The following RNF121 variants were observed in gnomAD, a reference collection of about 807,000 sequenced individuals.
RNF121 encodes the protein E3 ubiquitin ligase RNF121.
RNF121 carries 21 observed loss-of-function variants against 46.5 expected under a neutral mutation model. The observed-to-expected ratio is 0.45, with a 90% CI of 0.32 to 0.65. The LOEUF (loss-of-function observed/expected upper bound fraction) is 0.65. Among genes scored for constraint, RNF121 ranks in the 30% least tolerant of loss-of-function variants. RNF121 has a pLI of 0.04. For synonymous variants in RNF121, 139 were observed against 144.7 expected, an observed-to-expected ratio of 0.96 and a Z score of 0.28; for missense variants, 346 against 416.0, an observed-to-expected ratio of 0.83 and a Z score of 1.46.
At chr11:71,990,915 C>T (rs766309796) in intron 6 of RNF121, 198 bp downstream of exon 6, 13 of 643,308 alleles carry the variant, frequency 2.0e-5, no homozygotes, top group African/African-American at 9.1e-5. Context: ...AAACCATGTG[C>T]GTTGCAGCAA....
chr11:71,992,420 A>C (rs1433104104), intron 6 of RNF121, among the ~76,000 whole-genome samples: 1 of 152,122 alleles, frequency 6.6e-6, no homozygotes, highest in Non-Finnish European at 1.5e-5. Context: ...TTGAGTCTTT[A>C]CTTAAGAGAC....
At chr11:71,948,533 AAAAAAAGCTTATC>A (rs1953781582) in intron 1 of RNF121, among the ~76,000 whole-genome samples, 2 of 151,314 alleles carry the variant, frequency 1.3e-5, no homozygotes, top group Non-Finnish European at 2.9e-5. Flanking sequence ...AAAAAAAAAA[AAAAAAAGCTTATC>A]AACTCAGCTG....
Position 71,989,746 on chromosome 11 carries a change from G to A in RNF121, c.507-851G>A, listed in dbSNP as rs375474913. Among the ~76,000 whole-genome samples the A allele has an allele frequency of 1.9e-4, 29 of 152,162 alleles. No individual in the cohort carries two copies. In the East Asian group the frequency reaches 4.8e-3, roughly 25 times the overall value. ...AGATCTTTATCCTTCTTGTTAAATA[G>A]ACTTGGACCAAAATTTAACTTTGAT... On this transcript the variant is annotated intron_variant, in intron 5 of 8. Coordinates refer to ENST00000361756, the MANE Select transcript of RNF121 (RefSeq NM_018320.5).
intron 3 of RNF121, among the ~76,000 whole-genome samples, chr11:71,971,912 G>A (rs1293955557): frequency 6.6e-6 from 1 of 152,122 alleles, no homozygotes; most frequent in African/African-American, 2.4e-5. Flanking sequence ...CATCCTAAGG[G>A]GATATGTAAG....
At position 71,996,350 on chromosome 11, in the gene RNF121, C is replaced by T. The variant is rs188341542; in HGVS notation, c.*35C>T. ...GCATCAGTGGAAAACCCACCCCACA[C>T]GCCATGGACCTCAGGGCACTCTCCT... On this transcript the variant is annotated 3_prime_UTR_variant, in exon 9 of 9. Coordinates refer to ENST00000361756, the MANE Select transcript of RNF121 (RefSeq NM_018320.5). The T allele has an allele frequency of 1.2e-4, 193 of 1,609,864 alleles. No homozygotes were observed. The African/African-American group carries it at 1.9e-3, about 16-fold the overall frequency.
chr11:71,987,126 T>A lies in RNF121; in HGVS notation c.506+15T>A. The A allele has an allele frequency of 6.5e-7, 1 of 1,537,044 alleles. No individual in the cohort carries two copies. Among genetic ancestry groups the A allele is most frequent in the Non-Finnish European group, 9.0e-7 (1 of 1,110,412 alleles). ...TTATTATTCAAGTGAGTACCCTTTG[T>A]TTTTGTTTTTGCTGGAGTTTGGGGA... On this transcript the variant is annotated intron_variant, in intron 5 of 8. Transcript: ENST00000361756.
chr11:71,949,500 A>C (rs563913885), intron 1 of RNF121, among the ~76,000 whole-genome samples: 1 of 152,066 alleles, frequency 6.6e-6, no homozygotes, highest in Non-Finnish European at 1.5e-5. Flanking sequence ...AGATCACTTG[A>C]GGTCAGGAGT....
intron 7 of RNF121, 55 bp downstream of exon 7, chr11:71,994,907 TGAGAGA>T (rs979278791): frequency 3.2e-5 from 52 of 1,609,190 alleles, no homozygotes; most frequent in Non-Finnish European, 4.2e-6. Context: ...CACACTGTAG[TGAGAGA>T]GAGAAAGAGG....
At chr11:71,938,143 A>C (rs1376443650) in intron 1 of RNF121, among the ~76,000 whole-genome samples, 2 of 152,110 alleles carry the variant, frequency 1.3e-5, no homozygotes, top group African/African-American at 4.8e-5. Flanking sequence ...TAGAAGCCTC[A>C]ACATTTTACT....
chr11:71,981,518 G>C (rs1338956556), intron 3 of RNF121, among the ~76,000 whole-genome samples: 1 of 152,050 alleles, frequency 6.6e-6, no homozygotes, highest in African/African-American at 2.4e-5. Flanking sequence ...TTTTATACCT[G>C]CTACTCACTG....
chr11:71,993,362 G>C (rs1440505045), intron 6 of RNF121, among the ~76,000 whole-genome samples: 1 of 152,172 alleles, frequency 6.6e-6, no homozygotes, highest in Non-Finnish European at 1.5e-5. Flanking sequence ...CCATTAAGCA[G>C]TAACTCATTA....
At chr11:71,948,623 A>G (rs767405956) in intron 1 of RNF121, among the ~76,000 whole-genome samples, 2 of 150,084 alleles carry the variant, frequency 1.3e-5, no homozygotes, top group Non-Finnish European at 3.0e-5. Context: ...AGCAGCTGTT[A>G]GAGCCAACAT....
At chr11:71,956,959 G>A (rs1041675983) in intron 1 of RNF121, among the ~76,000 whole-genome samples, 6 of 152,128 alleles carry the variant, frequency 3.9e-5, no homozygotes, top group South Asian at 2.1e-4. Context: ...GTCTGTGAGC[G>A]TCTTTGGAGT....
intron 3 of RNF121, among the ~76,000 whole-genome samples, chr11:71,978,728 A>G (rs190817488): frequency 6.6e-6 from 1 of 152,344 alleles, no homozygotes; most frequent in African/African-American, 2.4e-5. Flanking sequence ...ATTATTAGGC[A>G]CTGTTGTAAG....
chr11:71,954,564 A>G (rs1953949444), intron 1 of RNF121, among the ~76,000 whole-genome samples: 1 of 152,180 alleles, frequency 6.6e-6, no homozygotes, highest in African/African-American at 2.4e-5. Flanking sequence ...ATCACCTTGA[A>G]TATACTTTCT....
At chr11:71,950,900 A>G (rs1338172302) in intron 1 of RNF121, among the ~76,000 whole-genome samples, 1 of 152,110 alleles carries the variant, frequency 6.6e-6, no homozygotes, top group Non-Finnish European at 1.5e-5. Flanking sequence ...GACAGATTTT[A>G]TTTGAATTAT....
chr11:71,934,941 CTTTTT>C (rs34428026), intron 1 of RNF121, among the ~76,000 whole-genome samples: 1 of 135,364 alleles, frequency 7.4e-6, no homozygotes, highest in Admixed American at 7.4e-5. Flanking sequence ...CAAATGCATT[CTTTTT>C]TTTTTTTTTT....
At chr11:71,953,190 C>A (rs548286721) in intron 1 of RNF121, among the ~76,000 whole-genome samples, 1 of 152,176 alleles carries the variant, frequency 6.6e-6, no homozygotes, top group Non-Finnish European at 1.5e-5. Flanking sequence ...CATGCCACCA[C>A]GCCTGGCTAA....
At position 71,996,293 on chromosome 11, in the gene RNF121, A is replaced by G. The variant is rs201855470; in HGVS notation, c.962A>G (p.Asn321Ser). The change falls in exon 9 of 9, where the codon AAC (asparagine) becomes AGC (serine). Residue 321 changes from asparagine to serine, a missense_variant. Transcript: ENST00000361756. ...PVIIGVVQGI[N>S]YILGLE Reference sequence around the variant, plus strand: ...ATCATTGGTGTAGTCCAAGGCATCAACTACATCCTGGGCCTGGAATAGTGA... The same window carrying G: ...ATCATTGGTGTAGTCCAAGGCATCAGCTACATCCTGGGCCTGGAATAGTGA... 8.1e-6 allele frequency: 13 copies of G among 1,614,174 alleles called. No homozygotes were observed. The highest frequency in any genetic ancestry group is 4.4e-5 in the South Asian group (4 of 91,086).
Sources: allele counts gnomAD v4.1 joint callset (sites outside exome capture counted in the v4.1 genomes callset), GRCh38; gene constraint gnomAD v4.1.1; transcripts MANE v1.5; gene names NCBI Gene and HGNC (gene_info 2026-07-23, HGNC 2026-07-21).